Variants in ZCCHC2 observed in about 807,000 individuals in gnomAD.
ZCCHC2 encodes the protein zinc finger CCHC-type containing 2, also known as zinc finger CCHC domain-containing protein 2.
Under a neutral mutation model 103.6 loss-of-function variants are expected in ZCCHC2, and 39 were observed. That is an observed-to-expected ratio of 0.38 (90% confidence interval 0.29 to 0.49). ZCCHC2 has a LOEUF of 0.49. Ranked by LOEUF, ZCCHC2 falls within the 20% of genes least tolerant of loss-of-function variation. The probability of loss-of-function intolerance (pLI) is 0.96; values close to 1 mark genes in which losing one functional copy is unlikely to be tolerated. For missense variants in ZCCHC2, 1,483 were observed against 1,491.0 expected (o/e 0.99, Z 0.09); for synonymous variants, 687 against 608.9 (o/e 1.13, Z -1.89).
At chr18:62,580,427 T>C (rs1917011824), downstream of ZCCHC2, among the ~76,000 whole-genome samples, 1 of 152,218 alleles carries the variant, frequency 6.6e-6, no homozygotes, top group African/African-American at 2.4e-5. Flanking sequence ...ATTTGCAGTA[T>C]TGTTTTCCAA....
intron 1 of ZCCHC2, 46 bp downstream of exon 1, chr18:62,524,409 C>T (rs1914250210): frequency 1.4e-6 from 2 of 1,429,524 alleles, no homozygotes; most frequent in Non-Finnish European, 1.8e-6. Context: ...GATCGCTGCC[C>T]CGGCGGCCTC....
At chr18:62,530,546 T>C (rs1164604108) in intron 1 of ZCCHC2, among the ~76,000 whole-genome samples, 1 of 152,156 alleles carries the variant, frequency 6.6e-6, no homozygotes, top group Non-Finnish European at 1.5e-5. Flanking sequence ...AAAATCCTTA[T>C]AGTGGAGTAT....
chr18:62,578,826 G>A (rs529971607), downstream of ZCCHC2, among the ~76,000 whole-genome samples: 56 of 152,266 alleles, frequency 3.7e-4, no homozygotes, highest in African/African-American at 1.3e-3. Flanking sequence ...GAGTGCAGTG[G>A]CGGGATCTCA....
At position 62,574,873 on chromosome 18, in the gene ZCCHC2, A is replaced by G. The variant is rs1350465653; in HGVS notation, c.2792A>G (p.Gln931Arg). 29 of 1,613,896 alleles carry G rather than the reference A, an allele frequency of 1.8e-5. No homozygotes were observed. The highest frequency in any genetic ancestry group is 2.5e-5 in the Non-Finnish European group (29 of 1,179,890). ...SPLAAGVLPS[Q>R]NSSVLSTAAT... ...CTTGCTGCCGGCGTGTTACCCAGCC[A>G]GAACTCCAGTGTGCTCAGCACAGCA... Residue 931 changes from glutamine (Q) to arginine (R), a missense_variant, in exon 13 of 14, where the codon CAG becomes CGG. Coordinates refer to ENST00000269499, the MANE Select transcript of ZCCHC2 (RefSeq NM_017742.6).
intron 1 of ZCCHC2, among the ~76,000 whole-genome samples, chr18:62,536,808 A>C (rs1365302522): frequency 6.6e-6 from 1 of 152,262 alleles, no homozygotes; most frequent in Non-Finnish European, 1.5e-5. Context: ...ATAGAAACTC[A>C]AACTTCATTT....
rs771266692 is a variant in ZCCHC2 at position 62,524,062 on chromosome 18, C to T, written c.638C>T (p.Ser213Leu). The T allele has an allele frequency of 2.6e-5, 38 of 1,483,558 alleles. 1 individual carries two copies. In the South Asian group the frequency reaches 3.2e-4, roughly 12 times the overall value. 91.9% of individuals were successfully genotyped at this position (1,483,558 alleles called of 1,614,324 possible). The change falls in exon 1 of 14, where the codon TCG becomes TTG. Residue 213 changes from serine (S) to leucine (L), a missense_variant. Coordinates refer to ENST00000269499, the MANE Select transcript of ZCCHC2 (RefSeq NM_017742.6). The stretch of plus-strand genomic sequence containing the variant: ...CTGCGCGCGGCCCGGGGCGAGGGCT[C>T]GCGGGGCGGCGCGGAGGACGAGCGC... ...KSLRAARGEG[S>L]RGGAEDERGE...
downstream of ZCCHC2, among the ~76,000 whole-genome samples, chr18:62,579,487 A>G (rs1916984472): frequency 6.6e-6 from 1 of 152,158 alleles, no homozygotes; most frequent in Non-Finnish European, 1.5e-5. Flanking sequence ...GAGCCATCTA[A>G]TGACTGTGCC....
intron 9 of ZCCHC2, 101 bp from the exon 10 acceptor site, chr18:62,564,470 A>G: frequency 2.3e-6 from 2 of 851,692 alleles, no homozygotes; most frequent in Non-Finnish European, 1.7e-6. Flanking sequence ...ACTTGTTAGA[A>G]TATACAACTG....
In ZCCHC2 at chr18:62,576,751, C is replaced by CT; in HGVS notation, c.*176dup. 1 of 594,492 alleles carries CT rather than the reference C, an allele frequency of 1.7e-6. No individual in the cohort carries two copies. Among genetic ancestry groups the CT allele is most frequent in the Non-Finnish European group, 2.9e-6 (1 of 342,222 alleles). The allele number at this position is 594,492 out of a possible 1,614,324, so 36.8% of individuals were successfully genotyped here. ...GTCCAAAACAAGAAAGAATGCAATG[C>CT]TTTTGAGCCTCTGGTCTCCTGGTTC... On this transcript the variant is annotated 3_prime_UTR_variant, in exon 14 of 14. Transcript: ENST00000269499.
rs1480434431 is a variant in ZCCHC2 at position 62,523,396 on chromosome 18, C to T, written c.-29C>T. Reference sequence around the variant, plus strand: ...TCGCGGCCCCTCCCGCCCGCCCCCGCTCGCATGTCTGCGCCGCCCTAGCCG... The same window carrying T: ...TCGCGGCCCCTCCCGCCCGCCCCCGTTCGCATGTCTGCGCCGCCCTAGCCG... On this transcript the variant is annotated 5_prime_UTR_variant, in exon 1 of 14. Coordinates refer to ENST00000269499, the MANE Select transcript of ZCCHC2 (RefSeq NM_017742.6). The T allele has an allele frequency of 2.9e-6, 3 of 1,029,222 alleles. No individual in the cohort carries two copies. The highest frequency in any genetic ancestry group is 3.5e-6 in the Non-Finnish European group (3 of 859,586). 63.8% of individuals were successfully genotyped at this position (1,029,222 alleles called of 1,614,324 possible).
intron 1 of ZCCHC2, among the ~76,000 whole-genome samples, chr18:62,529,209 A>G (rs1452790967): frequency 1.3e-5 from 2 of 152,002 alleles, no homozygotes; most frequent in East Asian, 3.9e-4. Flanking sequence ...ACCAGTTCTA[A>G]TGCTCACTGG....
At chr18:62,544,975 A>C in intron 4 of ZCCHC2, 102 bp downstream of exon 4, 1 of 965,596 alleles carries the variant, frequency 1.0e-6, no homozygotes, top group Non-Finnish European at 1.5e-6. Flanking sequence ...CATACAGATA[A>C]AGGTTGGCTC....
intron 10 of ZCCHC2, 45 bp downstream of exon 10, chr18:62,564,680 G>A: frequency 1.5e-6 from 2 of 1,372,348 alleles, no homozygotes; most frequent in Non-Finnish European, 2.0e-6. Flanking sequence ...TTTGATAATA[G>A]GCCTGTTTAG....
intron 1 of ZCCHC2, chr18:62,524,717 G>T: frequency 3.7e-6 from 1 of 271,554 alleles, no homozygotes. Context: ...TCAGCGCTCG[G>T]TGCGGGAGCC....
Position 62,523,348 on chromosome 18 carries a change from G to A in ZCCHC2, c.-77G>A, listed in dbSNP as rs1914135888. The A allele has an allele frequency of 1.0e-6, 1 of 983,344 alleles. No individual in the cohort carries two copies. The allele number at this position is 983,344 out of a possible 1,614,324, so 60.9% of individuals were successfully genotyped here. The stretch of plus-strand genomic sequence containing the variant: ...GGGCCCCGCTCCTGACGGCCGCGCC[G>A]CCGCCTCGGCCCGTGCTCCACCTCG... On this transcript the variant is annotated 5_prime_UTR_variant, in exon 1 of 14. Transcript: ENST00000269499.
At chr18:62,545,328 G>C (rs142487549) in intron 4 of ZCCHC2, among the ~76,000 whole-genome samples, 1 of 152,250 alleles carries the variant, frequency 6.6e-6, no homozygotes, top group East Asian at 1.9e-4. Flanking sequence ...TGCAGAACCA[G>C]ATGAGGCTTG....
intron 1 of ZCCHC2, among the ~76,000 whole-genome samples, chr18:62,530,887 T>G (rs1053822368): frequency 6.6e-6 from 1 of 152,274 alleles, no homozygotes; most frequent in Non-Finnish European, 1.5e-5. Context: ...AAAACTATTC[T>G]ATAACTTAAA....
chr18:62,552,262 G>A lies in ZCCHC2; in HGVS notation c.1313+1802G>A, dbSNP rs958202293. 3 of 152,228 alleles carry A rather than the reference G, an allele frequency of 2.0e-5. No individual in the cohort carries two copies. In the South Asian group the frequency reaches 6.2e-4, roughly 32 times the overall value. 9.4% of individuals were successfully genotyped at this position (152,228 alleles called of 1,614,324 possible). ...GCTTGGTCTGGAAGGATCAGAAGAT[G>A]AAGACTTGCTCCTCTCCCACCACCC... On this transcript the variant is annotated intron_variant, in intron 5 of 13. Coordinates refer to ENST00000269499, the MANE Select transcript of ZCCHC2 (RefSeq NM_017742.6).
Position 62,523,450 on chromosome 18 carries a change from A to C in ZCCHC2, c.26A>C (p.Lys9Thr). MLRMKLPL[K>T]PTHPAEPPPE... Reference sequence around the variant, plus strand: ...ATGCTGAGGATGAAGCTGCCGCTGAAGCCAACGCACCCCGCGGAGCCGCCG... The same window carrying C: ...ATGCTGAGGATGAAGCTGCCGCTGACGCCAACGCACCCCGCGGAGCCGCCG... Residue 9 changes from lysine (K) to threonine (T), a missense_variant, in exon 1 of 14, where the codon AAG becomes ACG. Transcript: ENST00000269499. 9.1e-7 allele frequency: 1 copy of C among 1,095,178 alleles called. No homozygotes were observed. Among genetic ancestry groups the C allele is most frequent in the Non-Finnish European group, 1.1e-6 (1 of 888,598 alleles). 67.8% of individuals were successfully genotyped at this position (1,095,178 alleles called of 1,614,324 possible).
Sources: allele counts gnomAD v4.1 joint callset (sites outside exome capture counted in the v4.1 genomes callset), GRCh38; gene constraint gnomAD v4.1.1; transcripts MANE v1.5; gene names NCBI Gene and HGNC (gene_info 2026-07-23, HGNC 2026-07-21).